The following UNC5C variants were observed in gnomAD, a reference collection of about 807,000 sequenced individuals.
UNC5C encodes the protein netrin receptor UNC5C.
Under a neutral mutation model 99.8 loss-of-function variants are expected in UNC5C, and 47 were observed. The ratio of observed to expected loss-of-function variants is 0.47; its 90% CI spans 0.37 to 0.60. UNC5C has a LOEUF of 0.60. UNC5C is among the 20% of genes least tolerant of loss of function. The pLI is 0.00. For synonymous variants in UNC5C, 487 were observed against 452.2 expected (o/e 1.08, Z -0.98); for missense variants, 1,062 against 1,165.9 (o/e 0.91, Z 1.30).
At chr4:95,510,830 C>T (rs530012651) in intron 1 of UNC5C, among the ~76,000 whole-genome samples, 20 of 152,150 alleles carry the variant, frequency 1.3e-4, no homozygotes, top group East Asian at 1.2e-3. Context: ...CAACACTGTC[C>T]GAAATTTGCC....
At chr4:95,312,613 C>T (rs998629952) in intron 2 of UNC5C, among the ~76,000 whole-genome samples, 4 of 152,000 alleles carry the variant, frequency 2.6e-5, no homozygotes, top group African/African-American at 9.7e-5. Context: ...CCAATAAGTA[C>T]CAAAATAAAG....
intron 4 of UNC5C, among the ~76,000 whole-genome samples, chr4:95,257,198 C>A (rs1198350275): frequency 6.6e-6 from 1 of 152,152 alleles, no homozygotes; most frequent in African/African-American, 2.4e-5. Context: ...CGCTGAAGTC[C>A]TTACAACCAG....
chr4:95,475,440 G>A (rs140068275), intron 1 of UNC5C, among the ~76,000 whole-genome samples: 15 of 152,042 alleles, frequency 9.9e-5, no homozygotes, highest in South Asian at 6.2e-4. Flanking sequence ...CAATGATGGC[G>A]TATATTAAAA....
rs761634846 is a variant in UNC5C at position 95,250,590 on chromosome 4, G to A, written c.672C>T (p.Leu224=). The change falls in exon 5 of 16, where the codon CTC becomes CTT. Residue 224 remains leucine, a synonymous_variant. Transcript: ENST00000453304. ...RNFYITIDHN[L]IIKQARLSDT... ...CAGAGAGTCGGGCCTGCTTTATGAT[G>A]AGGTTGTGATCAATAGTAATATAAA... 1.9e-6 allele frequency: 3 copies of A among 1,613,978 alleles called. No homozygotes were observed. The highest frequency in any genetic ancestry group is 1.3e-5 in the African/African-American group (1 of 74,992).
chr4:95,333,536 A>C (rs540238383), intron 2 of UNC5C, among the ~76,000 whole-genome samples: 37 of 138,518 alleles, frequency 2.7e-4, no homozygotes, highest in African/African-American at 9.9e-4. Context: ...ACACATGGAC[A>C]CAGGAAGGGG....
rs116474364 is a variant in UNC5C, at chr4:95,409,311, C to A, written c.125-73680G>T. Among the ~76,000 whole-genome samples the A allele has an allele frequency of 5.7e-3, 865 of 152,154 alleles. 15 individuals carry two copies. The highest frequency in any genetic ancestry group is 0.018 in the African/African-American group (764 of 41,532). On this transcript the variant is annotated intron_variant, in intron 1 of 15. Transcript: ENST00000453304. ...AATATGACTCAGGACTCTTGTATTT[C>A]CTGTCTAATCTTTGCACTCTCATCC...
Position 95,220,026 on chromosome 4 carries a change from T to C in UNC5C, c.1259A>G (p.Asn420Ser), listed in dbSNP as rs753021614. ...GATGTTCACAGGCTGAAAGCCCCCA[T>C]TGAGTGCCGAAGAGTCAATAATATC... ...ESDIIDSSAL[N>S]GGFQPVNIKA... is the part of the protein sequence containing the mutation. The change falls in exon 8 of 16, where the codon AAT becomes AGT. Residue 420 changes from asparagine to serine, a missense_variant. Transcript: ENST00000453304. 23 of 1,613,952 alleles carry C rather than the reference T, an allele frequency of 1.4e-5. No individual in the cohort carries two copies. Among genetic ancestry groups the C allele is most frequent in the East Asian group, 1.3e-4 (6 of 44,880 alleles).
intron 4 of UNC5C, among the ~76,000 whole-genome samples, chr4:95,271,445 G>T (rs1740662337): frequency 6.6e-6 from 1 of 152,020 alleles, no homozygotes; most frequent in African/African-American, 2.4e-5. Flanking sequence ...TAGCCAGGAT[G>T]GTCTCGATCT....
At chr4:95,243,774 C>T (rs184306005) in intron 6 of UNC5C, among the ~76,000 whole-genome samples, 1 of 152,230 alleles carries the variant, frequency 6.6e-6, no homozygotes, top group Admixed American at 6.5e-5. Context: ...AAGCAAGTCC[C>T]AACTACTTAG....
At chr4:95,488,509 C>T (rs1480186701) in intron 1 of UNC5C, among the ~76,000 whole-genome samples, 1 of 151,726 alleles carries the variant, frequency 6.6e-6, no homozygotes, top group African/African-American at 2.4e-5. Flanking sequence ...TTAACAGGCA[C>T]ACTCAACATG....
intron 3 of UNC5C, among the ~76,000 whole-genome samples, chr4:95,289,376 T>C (rs190932947): frequency 1.3e-5 from 2 of 152,360 alleles, no homozygotes; most frequent in Non-Finnish European, 2.9e-5. Flanking sequence ...GTGGAAATTC[T>C]GTACTTAGAA....
intron 7 of UNC5C, among the ~76,000 whole-genome samples, chr4:95,221,220 A>G (rs969512042): frequency 2.0e-5 from 3 of 152,214 alleles, no homozygotes; most frequent in Non-Finnish European, 2.9e-5. Context: ...GCACAAAAAC[A>G]TGTTCAGCAA....
At chr4:95,478,792 G>T (rs1275183785) in intron 1 of UNC5C, among the ~76,000 whole-genome samples, 1 of 152,018 alleles carries the variant, frequency 6.6e-6, no homozygotes, top group Non-Finnish European at 1.5e-5. Flanking sequence ...TTGATCCCCA[G>T]TGTTGGAGGT....
chr4:95,212,774 A>C (rs1406122350), intron 10 of UNC5C, among the ~76,000 whole-genome samples: 1 of 152,164 alleles, frequency 6.6e-6, no homozygotes, highest in African/African-American at 2.4e-5. Context: ...ACAGTGCCCC[A>C]GGCTTGATTC....
At chr4:95,521,733 C>T (rs1722364102) in intron 1 of UNC5C, among the ~76,000 whole-genome samples, 1 of 152,120 alleles carries the variant, frequency 6.6e-6, no homozygotes, top group Admixed American at 6.5e-5. Flanking sequence ...TATTCATAAA[C>T]CTTCCAAAAT....
chr4:95,344,719 T>G (rs1030832041), intron 1 of UNC5C, among the ~76,000 whole-genome samples: 2 of 151,964 alleles, frequency 1.3e-5, no homozygotes, highest in African/African-American at 2.4e-5. Context: ...AAGTGTAGAG[T>G]TTTTATTAGT....
At chr4:95,279,469 T>A (rs1353403852) in intron 3 of UNC5C, among the ~76,000 whole-genome samples, 1 of 152,204 alleles carries the variant, frequency 6.6e-6, no homozygotes, top group Non-Finnish European at 1.5e-5. Context: ...AACTAAATCA[T>A]CCCTGAATAC....
intron 1 of UNC5C, among the ~76,000 whole-genome samples, chr4:95,486,523 T>C (rs553018448): frequency 1.3e-5 from 2 of 151,856 alleles, no homozygotes; most frequent in African/African-American, 4.8e-5. Flanking sequence ...TCCATATTTA[T>C]ACTATCCATT....
intron 4 of UNC5C, among the ~76,000 whole-genome samples, chr4:95,268,302 G>T (rs531162719): frequency 6.6e-6 from 1 of 152,158 alleles, no homozygotes; most frequent in Non-Finnish European, 1.5e-5. Context: ...AAATACCTAA[G>T]AACTTGTTTA....
Sources: allele counts gnomAD v4.1 joint callset (sites outside exome capture counted in the v4.1 genomes callset), GRCh38; gene constraint gnomAD v4.1.1; transcripts MANE v1.5; gene names NCBI Gene and HGNC (gene_info 2026-07-23, HGNC 2026-07-21).